Variants in TMEM132D observed in about 807,000 individuals in gnomAD.
TMEM132D encodes transmembrane protein 132D.
TMEM132D carries 21 observed loss-of-function variants against 62.3 expected under a neutral mutation model. The ratio of observed to expected loss-of-function variants is 0.34; its 90% CI spans 0.24 to 0.49. The LOEUF (loss-of-function observed/expected upper bound fraction) is 0.49. Ranked by LOEUF, TMEM132D falls within the 20% of genes least tolerant of loss-of-function variation. The pLI is 0.99. For missense variants in TMEM132D, 1,346 were observed against 1,402.8 expected (o/e 0.96, Z 0.65); for synonymous variants, 621 against 575.6 (o/e 1.08, Z -1.13).
At chr12:129,832,035 CT>C (rs71085577) in intron 1 of TMEM132D, among the ~76,000 whole-genome samples, 1,191 of 93,954 alleles carry the variant, frequency 0.013, 5 homozygotes, top group African/African-American at 0.038. Context: ...ATGCCCGGCT[CT>C]TTTTTTTTTT....
At chr12:129,672,682 TCATA>T (rs1464666698) in intron 2 of TMEM132D, among the ~76,000 whole-genome samples, 2 of 152,200 alleles carry the variant, frequency 1.3e-5, no homozygotes, top group African/African-American at 4.8e-5. Flanking sequence ...TTTTATAGGC[TCATA>T]CAATCTACAT....
chr12:129,420,304 C>CTGTTT (rs1872266116), intron 3 of TMEM132D, among the ~76,000 whole-genome samples: 1 of 69,890 alleles, frequency 1.4e-5, no homozygotes. Flanking sequence ...TGCACGTTCT[C>CTGTTT]TGTTTTTTTT....
At chr12:129,268,100 A>C (rs1593317170) in intron 4 of TMEM132D, among the ~76,000 whole-genome samples, 1 of 152,212 alleles carries the variant, frequency 6.6e-6, no homozygotes, top group Admixed American at 6.5e-5. Context: ...AACCTAGGCA[A>C]TACCATTCAG....
At chr12:129,190,631 G>A (rs1163221641) in intron 5 of TMEM132D, among the ~76,000 whole-genome samples, 1 of 151,564 alleles carries the variant, frequency 6.6e-6, no homozygotes, top group Non-Finnish European at 1.5e-5. Flanking sequence ...GCCTGCACAT[G>A]TGGGGGCCTC....
At chr12:129,382,450 G>A (rs1270694223) in intron 3 of TMEM132D, among the ~76,000 whole-genome samples, 1 of 152,144 alleles carries the variant, frequency 6.6e-6, no homozygotes, top group African/African-American at 2.4e-5. Context: ...ATTGAAAGAC[G>A]GTGCCAGATC....
chr12:129,894,352 T>C (rs1178129629), intron 1 of TMEM132D, among the ~76,000 whole-genome samples: 1 of 152,048 alleles, frequency 6.6e-6, no homozygotes, highest in Non-Finnish European at 1.5e-5. Context: ...CCTTGACATG[T>C]GGGGATTATT....
intron 4 of TMEM132D, among the ~76,000 whole-genome samples, chr12:129,315,392 T>C (rs1055352440): frequency 3.9e-5 from 6 of 152,098 alleles, no homozygotes; most frequent in African/African-American, 1.2e-4. Flanking sequence ...TCTGCATCTA[T>C]TGAGATGATT....
chr12:129,543,302 G>GTGGA (rs1382603101), intron 2 of TMEM132D, among the ~76,000 whole-genome samples: 1 of 78,922 alleles, frequency 1.3e-5, no homozygotes, highest in Non-Finnish European at 2.4e-5. Context: ...GGGTGGGTGG[G>GTGGA]TGGATGGATA....
intron 4 of TMEM132D, among the ~76,000 whole-genome samples, chr12:129,295,153 C>A (rs1039659450): frequency 5.3e-5 from 8 of 152,340 alleles, no homozygotes; most frequent in Middle Eastern, 3.4e-3. Context: ...ATGTTACCTG[C>A]AACACTGATT....
At chr12:129,627,793 C>T (rs1364831578) in intron 2 of TMEM132D, among the ~76,000 whole-genome samples, 1 of 152,102 alleles carries the variant, frequency 6.6e-6, no homozygotes, top group African/African-American at 2.4e-5. Context: ...TCAAGACCAA[C>T]CTGGGCAACA....
chr12:129,454,063 T>C (rs1593016046), intron 3 of TMEM132D, among the ~76,000 whole-genome samples: 1 of 152,348 alleles, frequency 6.6e-6, no homozygotes, highest in South Asian at 2.1e-4. Context: ...GCTTACACCA[T>C]GTATTATAAA....
At chr12:129,516,288 A>G (rs896131614) in intron 3 of TMEM132D, among the ~76,000 whole-genome samples, 4 of 152,228 alleles carry the variant, frequency 2.6e-5, no homozygotes, top group African/African-American at 9.6e-5. Context: ...TGACTGAGGG[A>G]TCCAGCTCTG....
intron 1 of TMEM132D, among the ~76,000 whole-genome samples, chr12:129,741,122 C>T (rs1322556358): frequency 6.6e-6 from 1 of 152,192 alleles, no homozygotes; most frequent in African/African-American, 2.4e-5. Context: ...TCTTGAAATT[C>T]TGACAGATGT....
chr12:129,891,291 C>A (rs559143935), intron 1 of TMEM132D, among the ~76,000 whole-genome samples: 1 of 152,282 alleles, frequency 6.6e-6, no homozygotes, highest in South Asian at 2.1e-4. Flanking sequence ...TGACCTCATC[C>A]ACTCTAATCC....
At chr12:129,435,013 A>G (rs1158973969) in intron 3 of TMEM132D, among the ~76,000 whole-genome samples, 3 of 152,114 alleles carry the variant, frequency 2.0e-5, no homozygotes, top group Admixed American at 6.6e-5. Context: ...TTTACTGTGT[A>G]ATTCTATGAG....
At chr12:129,151,783 T>C (rs1257008108) in intron 5 of TMEM132D, among the ~76,000 whole-genome samples, 2 of 152,204 alleles carry the variant, frequency 1.3e-5, no homozygotes, top group African/African-American at 4.8e-5. Flanking sequence ...CTGATTTTTC[T>C]GTGCTCTTCT....
chr12:129,817,336 C>G (rs1301749576), intron 1 of TMEM132D, among the ~76,000 whole-genome samples: 1 of 152,216 alleles, frequency 6.6e-6, no homozygotes, highest in Non-Finnish European at 1.5e-5. Flanking sequence ...CCACAGAGTT[C>G]TGCTAGTCAG....
intron 1 of TMEM132D, among the ~76,000 whole-genome samples, chr12:129,828,625 GAAGT>G (rs1441585792): frequency 7.9e-6 from 1 of 127,276 alleles, no homozygotes; most frequent in Non-Finnish European, 1.6e-5. Context: ...GGGCTAATGA[GAAGT>G]AAGGAAGAAG....
At chr12:129,416,724 T>C (rs986761815) in intron 3 of TMEM132D, among the ~76,000 whole-genome samples, 2 of 152,198 alleles carry the variant, frequency 1.3e-5, no homozygotes, top group Non-Finnish European at 2.9e-5. Context: ...TCCATCAATA[T>C]CTAGTTTAAT....
Sources: gnomAD v4.1 joint callset for allele counts (sites outside exome capture counted in the v4.1 genomes callset) on GRCh38, gnomAD v4.1.1 for gene constraint, MANE v1.5 for transcripts, NCBI Gene and HGNC (gene_info 2026-07-23, HGNC 2026-07-21) for gene names.